Variants in ANXA4 observed in about 807,000 individuals in gnomAD.
The protein encoded by ANXA4 is annexin A4.
A neutral mutation model predicts 49.8 loss-of-function variants in ANXA4; 39 were observed. The ratio of observed to expected loss-of-function variants is 0.78; its 90% CI spans 0.61 to 1.02. The LOEUF (loss-of-function observed/expected upper bound fraction) is 1.02, where lower values mean the gene tolerates loss of function less well. Ranked by LOEUF, ANXA4 falls within the 50% of genes least tolerant of loss-of-function variation. ANXA4 has a pLI of 0.00. For synonymous variants in ANXA4, 134 were observed against 152.5 expected (o/e 0.88, Z 0.89); for missense variants, 360 against 410.1 (o/e 0.88, Z 1.05).
intron 2 of ANXA4, among the ~76,000 whole-genome samples, chr2:69,720,434 A>G (rs1425437734): frequency 6.6e-6 from 1 of 152,190 alleles, no homozygotes; most frequent in Non-Finnish European, 1.5e-5. Flanking sequence ...GAGCTGAAGC[A>G]AAGTTCATTC....
At chr2:69,663,596 G>A (rs1292142774) in intron 2 of ANXA4, among the ~76,000 whole-genome samples, 1 of 152,008 alleles carries the variant, frequency 6.6e-6, no homozygotes. Context: ...GTTTGAGGTT[G>A]TAGTGTGCTA....
intron 1 of ANXA4, among the ~76,000 whole-genome samples, chr2:69,774,591 C>T (rs901038688): frequency 2.0e-5 from 3 of 151,492 alleles, no homozygotes; most frequent in Non-Finnish European, 2.9e-5. Flanking sequence ...CCACCCACCT[C>T]GGCCTCCCAA....
intron 3 of ANXA4, among the ~76,000 whole-genome samples, chr2:69,799,549 T>C (rs1372969119): frequency 6.6e-6 from 1 of 152,234 alleles, no homozygotes; most frequent in Non-Finnish European, 1.5e-5. Context: ...GAAAGTTTTC[T>C]GCTGGGGACT....
chr2:69,795,209 C>G (rs922006687), intron 3 of ANXA4, among the ~76,000 whole-genome samples: 35 of 152,314 alleles, frequency 2.3e-4, no homozygotes, highest in Admixed American at 5.2e-4. Flanking sequence ...GGTCCTTTGA[C>G]AGTGCTTGTC....
intron 3 of ANXA4, chr2:69,803,304 A>G (rs968308907): frequency 2.0e-5 from 3 of 152,156 alleles, no homozygotes; most frequent in Admixed American, 1.3e-4. Context: ...CTTGCCAAGG[A>G]TAACTAAAGT....
At chr2:69,668,836 G>A (rs1677041147) in intron 2 of ANXA4, among the ~76,000 whole-genome samples, 1 of 151,890 alleles carries the variant, frequency 6.6e-6, no homozygotes, top group Admixed American at 6.6e-5. Flanking sequence ...CCCACAAGAT[G>A]GTAAACGCTG....
At chr2:69,798,285 G>C (rs1200255967) in intron 3 of ANXA4, among the ~76,000 whole-genome samples, 1 of 152,200 alleles carries the variant, frequency 6.6e-6, no homozygotes, top group African/African-American at 2.4e-5. Context: ...GGTTACTACG[G>C]TGGTTGCTAA....
At chr2:69,821,877 C>T (rs959768686) in intron 12 of ANXA4, among the ~76,000 whole-genome samples, 6 of 151,850 alleles carry the variant, frequency 4.0e-5, no homozygotes, top group Non-Finnish European at 5.9e-5. Context: ...TCAAGGATGA[C>T]GGTAAGTGAA....
chr2:69,683,352 G>A lies in ANXA4; in HGVS notation n.766+30070G>A, dbSNP rs187921703. On this transcript the variant is annotated intron_variant and non_coding_transcript_variant, in intron 2 of 3. Transcript: ENST00000418066. ...CTCTTTCCAGCTGCTACATGTGGGA[G>A]CTTCCCGTTTTTGTTCTAATTGAGT... is the stretch of plus-strand genomic sequence containing the variant. Among the ~76,000 whole-genome samples, 291 of 152,238 alleles carry A rather than the reference G, an allele frequency of 1.9e-3. 2 individuals are homozygous for A. Among genetic ancestry groups the A allele is most frequent in the African/African-American group, 6.4e-3 (266 of 41,546 alleles).
intron 7 of ANXA4, among the ~76,000 whole-genome samples, chr2:69,811,827 A>T (rs1573305296): frequency 6.6e-6 from 1 of 152,196 alleles, no homozygotes; most frequent in East Asian, 1.9e-4. Flanking sequence ...TTTACTTAGT[A>T]ACGCCTGCCT....
In ANXA4 at chr2:69,751,024, A is replaced by G. The variant is rs1271073145; in HGVS notation, c.-47+8849A>G. 3.3e-5 allele frequency among the ~76,000 whole-genome samples: 5 copies of G among 152,206 alleles called. 1 individual carries two copies. In the East Asian group the frequency reaches 9.6e-4, roughly 29 times the overall value. ...TCTTCTATGATCCTGACCCTGTGCC[A>G]GACATCTGGTATGATATTTTATTAA... is the stretch of plus-strand genomic sequence containing the variant. On this transcript the variant is annotated intron_variant, in intron 1 of 12. Coordinates refer to ENST00000394295, the MANE Select transcript of ANXA4 (RefSeq NM_001153.5).
At chr2:69,744,347 TTTTC>T (rs1232418780) in intron 1 of ANXA4, among the ~76,000 whole-genome samples, 3 of 151,930 alleles carry the variant, frequency 2.0e-5, no homozygotes, top group African/African-American at 7.3e-5. Flanking sequence ...GAGGAGGAGA[TTTTC>T]TTTGAGTGTC....
intron 1 of ANXA4, among the ~76,000 whole-genome samples, chr2:69,759,219 T>G (rs1172507295): frequency 6.6e-6 from 1 of 151,630 alleles, no homozygotes; most frequent in African/African-American, 2.4e-5. Context: ...ATCAGTTTGA[T>G]GGATGACTAT....
intron 2 of ANXA4, among the ~76,000 whole-genome samples, chr2:69,673,510 T>C (rs1466336360): frequency 1.5e-5 from 2 of 134,606 alleles, no homozygotes; most frequent in East Asian, 2.3e-4. Flanking sequence ...GGGTTGGGGA[T>C]TGGGGGGCTA....
intron 2 of ANXA4, among the ~76,000 whole-genome samples, chr2:69,696,312 C>G (rs1251576938): frequency 6.6e-6 from 1 of 152,200 alleles, no homozygotes; most frequent in African/African-American, 2.4e-5. Context: ...CTTTGCTCAT[C>G]CACAGAAAGC....
At chr2:69,778,006 G>A (rs532901380) in intron 1 of ANXA4, among the ~76,000 whole-genome samples, 6 of 152,132 alleles carry the variant, frequency 3.9e-5, no homozygotes, top group Admixed American at 2.0e-4. Context: ...AAACAAACAC[G>A]TGTGACTGTT....
intron 2 of ANXA4, among the ~76,000 whole-genome samples, chr2:69,709,518 A>G (rs933447030): frequency 1.3e-5 from 2 of 152,202 alleles, no homozygotes; most frequent in Non-Finnish European, 2.9e-5. Context: ...TCTTCTAAGT[A>G]TTCAAGGCAT....
At chr2:69,806,933 A>G (rs1203035372) in intron 5 of ANXA4, among the ~76,000 whole-genome samples, 1 of 152,150 alleles carries the variant, frequency 6.6e-6, no homozygotes, top group African/African-American at 2.4e-5. Context: ...CTGTACAACA[A>G]ACCCCCATGA....
intron 1 of ANXA4, among the ~76,000 whole-genome samples, chr2:69,757,258 A>AT (rs1671080523): frequency 2.3e-5 from 1 of 42,886 alleles, no homozygotes; most frequent in Non-Finnish European, 3.8e-5. Context: ...ATATATATAT[A>AT]TATATATATT....
Sources: allele counts gnomAD v4.1 joint callset (sites outside exome capture counted in the v4.1 genomes callset), GRCh38; gene constraint gnomAD v4.1.1; transcripts MANE v1.5; gene names NCBI Gene and HGNC (gene_info 2026-07-23, HGNC 2026-07-21).